KCNIP4: variants seen among roughly 807,000 people sequenced by gnomAD.
KCNIP4 encodes potassium voltage-gated channel interacting protein 4.
A neutral mutation model predicts 34.0 loss-of-function variants in KCNIP4; 12 were observed. The observed-to-expected ratio is 0.35, with a 90% confidence interval of 0.23 to 0.57. The LOEUF is 0.57. KCNIP4 is among the 20% of genes least tolerant of loss of function. The pLI is 0.83. For synonymous variants in KCNIP4, 124 were observed against 102.2 expected (o/e 1.21, Z -1.29); for missense variants, 238 against 311.7 (o/e 0.76, Z 1.78).
intron 1 of KCNIP4, among the ~76,000 whole-genome samples, chr4:21,803,669 C>T (rs1273089685): frequency 6.6e-6 from 1 of 152,098 alleles, no homozygotes; most frequent in East Asian, 1.9e-4. Flanking sequence ...TTGCCCTTCC[C>T]ACCTTTCCCC....
At chr4:21,659,048 A>C (rs556488566) in intron 1 of KCNIP4, among the ~76,000 whole-genome samples, 7 of 152,324 alleles carry the variant, frequency 4.6e-5, no homozygotes, top group African/African-American at 1.7e-4. Context: ...TTTAAAAAGT[A>C]GACCATTGAT....
At chr4:21,318,929 T>C (rs1402575909) in intron 1 of KCNIP4, among the ~76,000 whole-genome samples, 2 of 152,148 alleles carry the variant, frequency 1.3e-5, no homozygotes, top group African/African-American at 4.8e-5. Context: ...AAACTCAACA[T>C]AATCCCTCCT....
At chr4:21,664,026 C>T (rs1353031569) in intron 1 of KCNIP4, among the ~76,000 whole-genome samples, 1 of 152,096 alleles carries the variant, frequency 6.6e-6, no homozygotes, top group Non-Finnish European at 1.5e-5. Context: ...CTCACTGCAA[C>T]CTCTGCCTCC....
At chr4:20,931,827 T>C (rs1340923490) in intron 1 of KCNIP4, among the ~76,000 whole-genome samples, 1 of 151,946 alleles carries the variant, frequency 6.6e-6, no homozygotes, top group Non-Finnish European at 1.5e-5. Flanking sequence ...AAGTAGCAGA[T>C]ATATAGGATG....
chr4:20,753,966 G>C (rs1754081951), intron 4 of KCNIP4, among the ~76,000 whole-genome samples: 1 of 151,980 alleles, frequency 6.6e-6, no homozygotes, highest in African/African-American at 2.4e-5. Context: ...GCCTAGTGTA[G>C]ACAACATAAG....
rs185289024 is a variant in KCNIP4, at chr4:21,417,512, G to A, written c.61+531059C>T. 1.1e-3 allele frequency among the ~76,000 whole-genome samples: 164 copies of A among 152,256 alleles called. 1 individual carries two copies. Among genetic ancestry groups the A allele is most frequent in the African/African-American group, 3.8e-3 (159 of 41,558 alleles). On this transcript the variant is annotated intron_variant, in intron 1 of 8. Coordinates refer to ENST00000382152, the MANE Select transcript of KCNIP4 (RefSeq NM_025221.6). The stretch of plus-strand genomic sequence containing the variant: ...ATTAAAAATGAGTTAGTTAAATAAA[G>A]TAGCATTTGCAAGTTCTTCTCCTCT...
chr4:21,111,853 C>A (rs965558659), intron 1 of KCNIP4, among the ~76,000 whole-genome samples: 5 of 152,172 alleles, frequency 3.3e-5, no homozygotes, highest in African/African-American at 1.2e-4. Flanking sequence ...TCCATATAGT[C>A]CTGCCAGGTC....
At chr4:21,278,835 A>G (rs1215157370) in intron 1 of KCNIP4, among the ~76,000 whole-genome samples, 1 of 152,218 alleles carries the variant, frequency 6.6e-6, no homozygotes, top group African/African-American at 2.4e-5. Context: ...GCAAATGAAA[A>G]CAAAAAGATG....
intron 3 of KCNIP4, among the ~76,000 whole-genome samples, chr4:20,770,168 T>G (rs895218778): frequency 1.3e-5 from 2 of 152,234 alleles, no homozygotes; most frequent in Admixed American, 6.5e-5. Flanking sequence ...ACAGTCTTTT[T>G]TTTACAATTA....
intron 1 of KCNIP4, chr4:21,316,174 A>C (rs1713738973): frequency 6.6e-6 from 1 of 152,144 alleles, no homozygotes; most frequent in Non-Finnish European, 1.5e-5. Context: ...AACTATATTC[A>C]ACTACTATCC....
chr4:21,193,107 C>A (rs180836470), intron 1 of KCNIP4, among the ~76,000 whole-genome samples: 2,559 of 123,888 alleles, frequency 0.021, 45 homozygotes, highest in Admixed American at 0.033. Flanking sequence ...CAGAGCAAGA[C>A]CCTGGCTAAA....
chr4:21,545,588 T>C (rs1560505292), intron 1 of KCNIP4, among the ~76,000 whole-genome samples: 1 of 152,178 alleles, frequency 6.6e-6, no homozygotes, highest in Non-Finnish European at 1.5e-5. Flanking sequence ...CCTGTGTCCA[T>C]GTGTTCTCAT....
intron 3 of KCNIP4, among the ~76,000 whole-genome samples, chr4:20,813,163 T>C (rs1211005437): frequency 6.6e-6 from 1 of 152,072 alleles, no homozygotes; most frequent in Non-Finnish European, 1.5e-5. Context: ...GAAGCTACCA[T>C]TGAAGATACT....
At chr4:21,418,455 C>T (rs9993635) in intron 1 of KCNIP4, among the ~76,000 whole-genome samples, 1,538 of 152,158 alleles carry the variant, frequency 0.01, 26 homozygotes, top group African/African-American at 0.035. Flanking sequence ...CGTGATTGTG[C>T]CATTGCACTC....
chr4:21,601,236 T>C (rs1743119145), intron 1 of KCNIP4, among the ~76,000 whole-genome samples: 1 of 152,050 alleles, frequency 6.6e-6, no homozygotes, highest in African/African-American at 2.4e-5. Context: ...TTTTCTTTTC[T>C]CCTTAAAACA....
At chr4:21,765,305 CT>C (rs1397996188) in intron 1 of KCNIP4, among the ~76,000 whole-genome samples, 1 of 151,458 alleles carries the variant, frequency 6.6e-6, no homozygotes, top group African/African-American at 2.4e-5. Flanking sequence ...GAATCTAATC[CT>C]TTTTGTTTTA....
intron 1 of KCNIP4, among the ~76,000 whole-genome samples, chr4:21,786,139 G>C (rs1425777435): frequency 1.3e-5 from 2 of 152,176 alleles, no homozygotes; most frequent in Non-Finnish European, 2.9e-5. Flanking sequence ...AGTAGAGATG[G>C]GGTTTCACCA....
intron 1 of KCNIP4, among the ~76,000 whole-genome samples, chr4:21,306,735 C>A (rs1265742096): frequency 6.6e-6 from 1 of 152,116 alleles, no homozygotes; most frequent in African/African-American, 2.4e-5. Flanking sequence ...TTCAGCTTGC[C>A]TTATATATGA....
intron 1 of KCNIP4, among the ~76,000 whole-genome samples, chr4:21,696,426 T>G (rs1712326155): frequency 6.6e-6 from 1 of 152,140 alleles, no homozygotes; most frequent in East Asian, 1.9e-4. Flanking sequence ...GTTTCTTTAC[T>G]CTTTTTTTCT....
Sources: allele counts gnomAD v4.1 joint callset (sites outside exome capture counted in the v4.1 genomes callset), GRCh38; gene constraint gnomAD v4.1.1; transcripts MANE v1.5; gene names NCBI Gene and HGNC (gene_info 2026-07-23, HGNC 2026-07-21).